The following GABRG1 variants were observed in gnomAD, a reference collection of about 807,000 sequenced individuals.
GABRG1 encodes the protein gamma-aminobutyric acid type A receptor subunit gamma1, also known as gamma-aminobutyric acid receptor subunit gamma-1.
A neutral mutation model predicts 49.8 loss-of-function variants in GABRG1; 49 were observed. The ratio of observed to expected loss-of-function variants is 0.98; its 90% CI spans 0.78 to 1.25. The LOEUF (loss-of-function observed/expected upper bound fraction) is 1.25, where lower values mean the gene tolerates loss of function less well. GABRG1 is among the 50% of genes most tolerant of loss of function. The pLI, the probability that GABRG1 is intolerant of heterozygous loss-of-function variation, is 0.00. For synonymous variants in GABRG1, 232 were observed against 185.1 expected (o/e 1.25, Z -2.06); for missense variants, 552 against 552.3 (o/e 1.00, Z 0.01).
At chr4:46,074,607 C>T (rs747205885) in intron 3 of GABRG1, among the ~76,000 whole-genome samples, 19 of 152,068 alleles carry the variant, frequency 1.2e-4, no homozygotes, top group Non-Finnish European at 2.4e-4. Flanking sequence ...AACAAAATGT[C>T]CGAAGTCAAG....
intron 1 of GABRG1, among the ~76,000 whole-genome samples, chr4:46,115,250 T>C (rs1292211913): frequency 2.0e-5 from 3 of 150,552 alleles, no homozygotes; most frequent in Non-Finnish European, 4.5e-5. Context: ...GAAAACAAAA[T>C]TAAGCTTTCA....
chr4:46,045,734 A>AT (rs34018686), intron 8 of GABRG1, among the ~76,000 whole-genome samples: 5,417 of 152,076 alleles, frequency 0.036, 174 homozygotes, highest in African/African-American at 0.075. Context: ...TGCCTGACTA[A>AT]TTTTTTGTAT....
Position 46,039,796 on chromosome 4 carries a change from A to G in GABRG1, c.*1192T>C, listed in dbSNP as rs952402563. ...GAGCACTCACATTCATGTTCATTAA[A>G]GATGCCTCTAACAAAACTCCCTCTT... On this transcript the variant is annotated 3_prime_UTR_variant, in exon 9 of 9. Coordinates refer to ENST00000295452, the MANE Select transcript of GABRG1 (RefSeq NM_173536.4). 1 of 151,742 alleles carries G rather than the reference A, an allele frequency of 6.6e-6. No homozygotes were observed. The highest frequency in any genetic ancestry group is 1.5e-5 in the Non-Finnish European group (1 of 67,804). 9.4% of individuals were successfully genotyped at this position (151,742 alleles called of 1,614,324 possible). A position where few individuals can be genotyped will look rare whatever the true frequency, so the allele number is the denominator to read the frequency against.
intron 5 of GABRG1, among the ~76,000 whole-genome samples, chr4:46,059,438 G>T (rs1337236195): frequency 6.6e-6 from 1 of 151,552 alleles, no homozygotes; most frequent in South Asian, 2.1e-4. Context: ...CCAGGCTGGA[G>T]TGCAGTGGCA....
At position 46,048,188 on chromosome 4, in the gene GABRG1, A is replaced by G. The variant is rs186146690; in HGVS notation, c.1131+3236T>C. Among the ~76,000 whole-genome samples the G allele has an allele frequency of 1.5e-3, 234 of 152,150 alleles. 2 individuals carry two copies. Among genetic ancestry groups the G allele is most frequent in the Admixed American group, 0.011 (170 of 15,242 alleles). On this transcript the variant is annotated intron_variant, in intron 8 of 8. Transcript: ENST00000295452. ...CTGTTGCATAAAATGTCTTGATTCC[A>G]TAGTTCAACATATTTAACTTAACTT...
chr4:46,086,681 T>C (rs1020756931), intron 2 of GABRG1, among the ~76,000 whole-genome samples: 10 of 151,720 alleles, frequency 6.6e-5, no homozygotes, highest in Admixed American at 3.3e-4. Flanking sequence ...TAAATTTTAC[T>C]TCAAATTTAA....
At chr4:46,101,467 CA>C (rs900845611) in intron 1 of GABRG1, among the ~76,000 whole-genome samples, 83 of 151,126 alleles carry the variant, frequency 5.5e-4, no homozygotes, top group African/African-American at 1.9e-3. Flanking sequence ...AAGGTAGAAT[CA>C]TAAACTCAAG....
chr4:46,121,208 T>C (rs1294727140), intron 1 of GABRG1, among the ~76,000 whole-genome samples: 1 of 151,886 alleles, frequency 6.6e-6, no homozygotes, highest in Non-Finnish European at 1.5e-5. Context: ...TAGATGACTT[T>C]CAAGATATAT....
chr4:46,075,887 G>T (rs2109416857), intron 3 of GABRG1, among the ~76,000 whole-genome samples: 1 of 152,098 alleles, frequency 6.6e-6, no homozygotes, highest in African/African-American at 2.4e-5. Context: ...CCATTTATAA[G>T]TGGGAACGTA....
At chr4:46,076,895 G>GTA (rs1197939481) in intron 3 of GABRG1, among the ~76,000 whole-genome samples, 2 of 151,336 alleles carry the variant, frequency 1.3e-5, no homozygotes, top group African/African-American at 2.4e-5. Context: ...TCTAGGGTGT[G>GTA]TATATATATA....
chr4:46,069,703 A>G (rs13104953), intron 3 of GABRG1, among the ~76,000 whole-genome samples: 76,513 of 151,946 alleles, frequency 0.5, 19,827 homozygotes, highest in African/African-American at 0.62. Context: ...GCATTCATCA[A>G]TTAAATTTTT....
chr4:46,107,886 T>C (rs1170107293), intron 1 of GABRG1, among the ~76,000 whole-genome samples: 1 of 151,066 alleles, frequency 6.6e-6, no homozygotes, highest in Non-Finnish European at 1.5e-5. Context: ...ATAACGACTA[T>C]AAAAAGAAGG....
At chr4:46,052,288 C>A (rs1439293788) in intron 7 of GABRG1, among the ~76,000 whole-genome samples, 3 of 149,928 alleles carry the variant, frequency 2.0e-5, no homozygotes, top group African/African-American at 7.4e-5. Flanking sequence ...ATTCTTCTAT[C>A]TAATTGAAGT....
intron 3 of GABRG1, among the ~76,000 whole-genome samples, chr4:46,083,359 G>T (rs1033474680): frequency 1.3e-5 from 2 of 151,586 alleles, no homozygotes; most frequent in Non-Finnish European, 3.0e-5. Context: ...TGCTATAAGA[G>T]AGATGTATTT....
chr4:46,074,424 C>CT (rs1719249883), intron 3 of GABRG1, among the ~76,000 whole-genome samples: 1 of 152,098 alleles, frequency 6.6e-6, no homozygotes, highest in Admixed American at 6.6e-5. Flanking sequence ...TTGTATCCTG[C>CT]TAGTGGGGCA....
intron 3 of GABRG1, among the ~76,000 whole-genome samples, chr4:46,072,578 C>G (rs1396617294): frequency 1.3e-5 from 2 of 152,060 alleles, no homozygotes; most frequent in African/African-American, 2.4e-5. Flanking sequence ...CTTGGTCTCT[C>G]TGAAGTTTGC....
intron 1 of GABRG1, among the ~76,000 whole-genome samples, chr4:46,108,348 G>C (rs1577668689): frequency 6.6e-6 from 1 of 151,088 alleles, no homozygotes; most frequent in African/African-American, 2.4e-5. Flanking sequence ...GTGAGAAGTA[G>C]TGTTTTGCAC....
intron 1 of GABRG1, among the ~76,000 whole-genome samples, chr4:46,106,794 T>C (rs116222850): frequency 0.077 from 11,714 of 151,280 alleles, 752 homozygotes; most frequent in African/African-American, 0.17. Flanking sequence ...TGTAAATTTT[T>C]TTTTTTGCTG....
At chr4:46,077,603 G>C (rs1462207188) in intron 3 of GABRG1, among the ~76,000 whole-genome samples, 2 of 151,782 alleles carry the variant, frequency 1.3e-5, no homozygotes, top group African/African-American at 4.8e-5. Flanking sequence ...TTTAAAATAG[G>C]TATAACTTCA....
Sources: allele counts gnomAD v4.1 joint callset (sites outside exome capture counted in the v4.1 genomes callset), GRCh38; gene constraint gnomAD v4.1.1; transcripts MANE v1.5; gene names NCBI Gene and HGNC (gene_info 2026-07-23, HGNC 2026-07-21).